SPATS1: variants seen among roughly 807,000 people sequenced by gnomAD.
SPATS1 encodes the protein spermatogenesis-associated serine-rich protein 1.
In SPATS1, 23 loss-of-function variants were observed where a neutral mutation model predicts 33.6. The observed-to-expected ratio is 0.68, with a 90% confidence interval of 0.49 to 0.97. The LOEUF (loss-of-function observed/expected upper bound fraction) is 0.97, where lower values mean the gene tolerates loss of function less well. Among genes scored for constraint, SPATS1 ranks in the 50% least tolerant of loss-of-function variants. SPATS1 has a pLI of 0.00. For synonymous variants in SPATS1, 131 were observed against 125.6 expected, an observed-to-expected ratio of 1.04 and a Z score of -0.29; for missense variants, 327 against 361.0, an observed-to-expected ratio of 0.91 and a Z score of 0.76.
In SPATS1 at chr6:44,377,514, A is replaced by G. The variant is rs76631652; in HGVS notation, c.*451A>G. On this transcript the variant is annotated 3_prime_UTR_variant, in exon 9 of 9. Transcript: ENST00000674044. ...ATTATTAACATTTAGTCCACATTCA[A>G]TTTTAGTCAATTATATTTAGTTTTC... 1.2e-3 allele frequency: 208 copies of G among 171,988 alleles called. 2 individuals are homozygous for G. The South Asian group carries it at 0.018, about 15-fold the overall frequency. 10.7% of individuals were successfully genotyped at this position (171,988 alleles called of 1,614,324 possible).
intron 5 of SPATS1, among the ~76,000 whole-genome samples, chr6:44,362,979 T>C (rs956567746): frequency 2.0e-5 from 3 of 151,996 alleles, no homozygotes; most frequent in African/African-American, 7.3e-5. Flanking sequence ...GATGGGATTA[T>C]AGGCATGCAC....
chr6:44,343,759 C>G (rs918138425), intron 2 of SPATS1, among the ~76,000 whole-genome samples: 1 of 152,148 alleles, frequency 6.6e-6, no homozygotes, highest in East Asian at 1.9e-4. Flanking sequence ...TTTGGGGGCA[C>G]GTTTGCCTTT....
intron 7 of SPATS1, among the ~76,000 whole-genome samples, chr6:44,372,472 T>TATG (rs1341255972): frequency 6.6e-6 from 1 of 151,896 alleles, no homozygotes; most frequent in Non-Finnish European, 1.5e-5. Context: ...TTATTTTATT[T>TATG]ATGTTTTTTT....
At chr6:44,360,667 C>A in intron 4 of SPATS1, 97 bp downstream of exon 4, 1 of 1,406,612 alleles carries the variant, frequency 7.1e-7, no homozygotes, top group South Asian at 1.4e-5. Flanking sequence ...CCACAACTGT[C>A]AAGCATTTGA....
chr6:44,363,227 C>G (rs989228333), intron 5 of SPATS1, among the ~76,000 whole-genome samples: 1 of 151,994 alleles, frequency 6.6e-6, no homozygotes, highest in Non-Finnish European at 1.5e-5. Context: ...CGAATGCCAG[C>G]CCCCCAGCCC....
chr6:44,360,587 C>G lies in SPATS1; in HGVS notation c.412+17C>G, dbSNP rs368808979. On this transcript the variant is annotated intron_variant, in intron 4 of 8. Transcript: ENST00000674044. Reference sequence around the variant, plus strand: ...TGCAGACGAGTAAGTCACAGACCCTCCTCCACATGCTTCTGTGCCCCAGGT... The same window carrying G: ...TGCAGACGAGTAAGTCACAGACCCTGCTCCACATGCTTCTGTGCCCCAGGT... 6.2e-7 allele frequency: 1 copy of G among 1,613,586 alleles called. No homozygotes were observed.
intron 2 of SPATS1, 57 bp downstream of exon 2, chr6:44,343,291 A>ACCCCCCC: frequency 9.2e-7 from 1 of 1,082,332 alleles, no homozygotes. Flanking sequence ...AGTATACTAC[A>ACCCCCCC]CCCGGGGGCG....
intron 2 of SPATS1, 73 bp downstream of exon 2, chr6:44,343,307 A>C: frequency 3.5e-5 from 47 of 1,343,854 alleles, no homozygotes; most frequent in Non-Finnish European, 3.9e-5. Context: ...GGGCGGGGGC[A>C]GGTGGGGGGC....
intron 2 of SPATS1, among the ~76,000 whole-genome samples, chr6:44,344,681 GTAAGGTGTTAT>G (rs1238129564): frequency 7.9e-6 from 1 of 127,280 alleles, no homozygotes; most frequent in Non-Finnish European, 1.6e-5. Flanking sequence ...CTTTGGTTAT[GTAAGGTGTTAT>G]TCCTGCCTAA....
At chr6:44,347,305 G>T (rs141120090) in intron 2 of SPATS1, among the ~76,000 whole-genome samples, 1 of 152,010 alleles carries the variant, frequency 6.6e-6, no homozygotes, top group Non-Finnish European at 1.5e-5. Flanking sequence ...GCAAACTACC[G>T]TGGCATGTGT....
intron 3 of SPATS1, among the ~76,000 whole-genome samples, chr6:44,357,190 C>T (rs1399362020): frequency 6.6e-6 from 1 of 152,156 alleles, no homozygotes; most frequent in African/African-American, 2.4e-5. Context: ...CTTCATTTCC[C>T]TGATGTTTCT....
At chr6:44,354,049 A>AC (rs1025214074) in intron 3 of SPATS1, among the ~76,000 whole-genome samples, 11 of 149,536 alleles carry the variant, frequency 7.4e-5, no homozygotes, top group African/African-American at 2.7e-4. Flanking sequence ...AAAAAAAAAA[A>AC]AAAACAAAAA....
rs28436671 is a variant in SPATS1 at position 44,345,924 on chromosome 6, G to A, written c.139+2690G>A. ...GATAGGAATGCCATTCCTCCAAGCT[G>A]TGCCAAACACCTGGGTGTTTGCAAA... On this transcript the variant is annotated intron_variant, in intron 2 of 8. Transcript: ENST00000674044. Among the ~76,000 whole-genome samples, 13 of 152,284 alleles carry A rather than the reference G, an allele frequency of 8.5e-5. No homozygotes were observed. In the East Asian group the frequency reaches 2.5e-3, roughly 29 times the overall value.
chr6:44,348,902 G>A (rs999302066), intron 2 of SPATS1, among the ~76,000 whole-genome samples: 4 of 152,200 alleles, frequency 2.6e-5, no homozygotes, highest in Non-Finnish European at 5.9e-5. Context: ...AGGCTGAGAT[G>A]GGTGGGTGAC....
chr6:44,369,918 G>T, intron 6 of SPATS1, 133 bp from the exon 7 acceptor site: 1 of 396,746 alleles, frequency 2.5e-6, no homozygotes. Context: ...AAAATCTGCG[G>T]TTCTTACAGT....
At chr6:44,376,656 T>C (rs1789977775) in intron 8 of SPATS1, among the ~76,000 whole-genome samples, 183 bp downstream of exon 8, 1 of 151,978 alleles carries the variant, frequency 6.6e-6, no homozygotes, top group South Asian at 2.1e-4. Context: ...AAAAATTAGC[T>C]GGGTGTGGTG....
chr6:44,358,744 A>G (rs535820076), intron 3 of SPATS1, among the ~76,000 whole-genome samples: 1 of 152,316 alleles, frequency 6.6e-6, no homozygotes, highest in African/African-American at 2.4e-5. Context: ...CTAGTCTGAG[A>G]CAACCATTAA....
chr6:44,343,818 C>T (rs1196975552), intron 2 of SPATS1, among the ~76,000 whole-genome samples: 1 of 152,184 alleles, frequency 6.6e-6, no homozygotes, highest in African/African-American at 2.4e-5. Context: ...CAGAAAAGCT[C>T]AGAGTGCGCC....
rs913405513 is a variant in SPATS1 at position 44,379,121 on chromosome 6, TA to T, written c.*2068del. Reference sequence around the variant, plus strand: ...CTAGTCAAAAACAATGCCCCACCCCTAAAAAAAAAAGTCAACTGCAACCACC... The same window carrying T: ...CTAGTCAAAAACAATGCCCCACCCCTAAAAAAAAAGTCAACTGCAACCACC... On this transcript the variant is annotated 3_prime_UTR_variant, in exon 9 of 9. Coordinates refer to ENST00000674044, the MANE Select transcript of SPATS1 (RefSeq NM_001372081.1). Among the ~76,000 whole-genome samples the T allele has an allele frequency of 1.2e-4, 17 of 145,262 alleles. No homozygotes were observed. The highest frequency in any genetic ancestry group is 2.1e-4 in the Admixed American group (3 of 14,586).
Sources: gnomAD v4.1 joint callset for allele counts (sites outside exome capture counted in the v4.1 genomes callset) on GRCh38, gnomAD v4.1.1 for gene constraint, MANE v1.5 for transcripts, NCBI Gene and HGNC (gene_info 2026-07-23, HGNC 2026-07-21) for gene names.